Variants in KLF13 observed in about 807,000 individuals in gnomAD.
KLF13 encodes the protein Krueppel-like factor 13.
A neutral mutation model predicts 16.7 loss-of-function variants in KLF13; 8 were observed. The observed-to-expected ratio is 0.48, with a 90% CI of 0.28 to 0.87. The LOEUF is 0.87. Among genes scored for constraint, KLF13 ranks in the 40% least tolerant of loss-of-function variants. The probability of loss-of-function intolerance (pLI) is 0.10; values close to 1 mark genes in which losing one functional copy is unlikely to be tolerated. For missense variants in KLF13, 447 were observed against 452.2 expected (o/e 0.99, Z 0.10); for synonymous variants, 245 against 208.4 (o/e 1.18, Z -1.51).
downstream of KLF13, among the ~76,000 whole-genome samples, chr15:31,409,620 C>A (rs1330274448): frequency 6.6e-6 from 1 of 151,844 alleles, no homozygotes; most frequent in Admixed American, 6.6e-5. Context: ...AAGAAAAGAC[C>A]CTGAAGACAG....
intron 1 of KLF13, among the ~76,000 whole-genome samples, chr15:31,347,164 C>A (rs1006585668): frequency 3.9e-5 from 6 of 152,200 alleles, no homozygotes; most frequent in Non-Finnish European, 8.8e-5. Flanking sequence ...AGGCGTTCCC[C>A]CCTCCATTGC....
At chr15:31,368,820 TTAGATAGATAGATAGA>T (rs373136224) in intron 1 of KLF13, among the ~76,000 whole-genome samples, 5 of 151,834 alleles carry the variant, frequency 3.3e-5, no homozygotes, top group African/African-American at 9.7e-5. Flanking sequence ...CTATCTCAGA[TTAGATAGATAGATAGA>T]TAGATAGATA....
rs1566826210 is a variant in KLF13 at position 31,377,214 on chromosome 15, C to A, written c.*4915C>A. The A allele has an allele frequency of 6.5e-6, 1 of 152,692 alleles. No homozygotes were observed. The highest frequency in any genetic ancestry group is 2.4e-5 in the African/African-American group (1 of 41,450). The allele number at this position is 152,692 out of a possible 1,614,324, so 9.5% of individuals were successfully genotyped here. A position where few individuals can be genotyped will look rare whatever the true frequency, so the allele number is the denominator to read the frequency against. On this transcript the variant is annotated 3_prime_UTR_variant, in exon 2 of 2. Transcript: ENST00000307145. Reference sequence around the variant, plus strand: ...AGGCCACCTCCCATGTGGCTCTAGACACCACGTGGGCTCATTAGCCCCAGC... The same window carrying A: ...AGGCCACCTCCCATGTGGCTCTAGAAACCACGTGGGCTCATTAGCCCCAGC...
At chr15:31,333,724 T>C (rs1197426685) in intron 1 of KLF13, among the ~76,000 whole-genome samples, 1 of 152,212 alleles carries the variant, frequency 6.6e-6, no homozygotes, top group Admixed American at 6.5e-5. Flanking sequence ...ATCCAGTTAA[T>C]CACACATTGC....
At chr15:31,381,439 C>T (rs1484254928), downstream of KLF13, among the ~76,000 whole-genome samples, 1 of 152,140 alleles carries the variant, frequency 6.6e-6, no homozygotes, top group Non-Finnish European at 1.5e-5. Context: ...AGCGTCTCCT[C>T]TCTGACCTCC....
Position 31,327,486 on chromosome 15 carries a change from G to C in KLF13, c.274G>C (p.Ala92Pro). 4 of 1,196,138 alleles carry C rather than the reference G, an allele frequency of 3.3e-6. No individual in the cohort carries two copies. Among genetic ancestry groups the C allele is most frequent in the Non-Finnish European group, 3.1e-6 (3 of 965,448 alleles). 74.1% of individuals were successfully genotyped at this position (1,196,138 alleles called of 1,614,324 possible). A position where few individuals can be genotyped will look rare whatever the true frequency, so the allele number is the denominator to read the frequency against. The change falls in exon 1 of 2, where the codon GCG becomes CCG. Residue 92 changes from alanine (A) to proline (P), a missense_variant. By Grantham distance (27) the Ala-to-Pro change is conservative. Around this residue, in one of 2 missense-constraint regions of KLF13, gnomAD observed 359 missense variants for 282.8 expected, o/e 1.27. Transcript: ENST00000307145. ...ERREGAAARK[A>P]RTPCRLPPPA... ...CAGGGAGGGCGCCGCGGCCCGGAAG[G>C]CGAGGACCCCCTGCCGCCTGCCGCC...
At chr15:31,362,253 G>T (rs995879708) in intron 1 of KLF13, among the ~76,000 whole-genome samples, 1 of 152,170 alleles carries the variant, frequency 6.6e-6, no homozygotes, top group Non-Finnish European at 1.5e-5. Context: ...CTAAACTGCT[G>T]GGCCTATCAA....
intron 1 of KLF13, among the ~76,000 whole-genome samples, chr15:31,332,476 A>T (rs1372726415): frequency 2.0e-5 from 3 of 152,176 alleles, no homozygotes; most frequent in African/African-American, 7.2e-5. Context: ...GAGCAGTAGG[A>T]TGGGGGCTGG....
At chr15:31,368,732 A>G (rs2039513201) in intron 1 of KLF13, among the ~76,000 whole-genome samples, 1 of 152,138 alleles carries the variant, frequency 6.6e-6, no homozygotes, top group Non-Finnish European at 1.5e-5. Flanking sequence ...GGCGCCTGTA[A>G]TCCCAGCTAG....
At chr15:31,425,458 C>T (rs1374138608) in intron 1 of KLF13, among the ~76,000 whole-genome samples, 3 of 152,134 alleles carry the variant, frequency 2.0e-5, no homozygotes, top group African/African-American at 7.2e-5. Flanking sequence ...AGAGAGATCC[C>T]AGAAATAAAT....
chr15:31,331,949 T>C (rs1441444404), intron 1 of KLF13, among the ~76,000 whole-genome samples: 2 of 152,250 alleles, frequency 1.3e-5, no homozygotes, highest in Non-Finnish European at 2.9e-5. Flanking sequence ...AAATGAGGCA[T>C]CTTCATTCTT....
At chr15:31,329,465 T>C (rs1475070413) in intron 1 of KLF13, among the ~76,000 whole-genome samples, 4 of 150,864 alleles carry the variant, frequency 2.7e-5, no homozygotes, top group Non-Finnish European at 5.9e-5. Flanking sequence ...GCAGCACCGG[T>C]AGCGGGGAAT....
chr15:31,396,780 T>A (rs948928946), intron 2 of KLF13, among the ~76,000 whole-genome samples: 2 of 152,192 alleles, frequency 1.3e-5, no homozygotes, highest in African/African-American at 4.8e-5. Context: ...AATTTCTAAT[T>A]TTTTGGCTAA....
intron 1 of KLF13, among the ~76,000 whole-genome samples, chr15:31,352,900 T>G (rs1177664411): frequency 6.6e-6 from 1 of 152,114 alleles, no homozygotes; most frequent in Non-Finnish European, 1.5e-5. Flanking sequence ...TTGGAGTTTT[T>G]GTGGGGAGGG....
downstream of KLF13, among the ~76,000 whole-genome samples, chr15:31,381,368 TAG>T (rs771053706): frequency 2.6e-5 from 4 of 152,196 alleles, no homozygotes; most frequent in Admixed American, 6.5e-5. Context: ...TCCCAGCTTG[TAG>T]AGGCCACCTA....
At chr15:31,329,395 C>T (rs969467101) in intron 1 of KLF13, among the ~76,000 whole-genome samples, 3 of 151,692 alleles carry the variant, frequency 2.0e-5, no homozygotes, top group African/African-American at 4.8e-5. Context: ...CCGTGCTGGG[C>T]AGGATACTTA....
chr15:31,338,035 G>A lies in KLF13; in HGVS notation c.577+10246G>A, dbSNP rs368401747. 9.8e-5 allele frequency among the ~76,000 whole-genome samples: 15 copies of A among 152,328 alleles called. No individual in the cohort carries two copies. The South Asian group carries it at 1.7e-3, about 17-fold the overall frequency. On this transcript the variant is annotated intron_variant, in intron 1 of 1. Coordinates refer to ENST00000307145, the MANE Select transcript of KLF13 (RefSeq NM_015995.4). ...GGTGGTTTTCCTGAATTACTGTCAG[G>A]CTTTAGAGTCTTACAGGAAATACAG... is the stretch of plus-strand genomic sequence containing the variant.
chr15:31,411,727 G>T (rs2040196463), intron 1 of KLF13, among the ~76,000 whole-genome samples: 1 of 151,888 alleles, frequency 6.6e-6, no homozygotes, highest in Admixed American at 6.6e-5. Flanking sequence ...TTTTAAAAAA[G>T]AAAACCATAT....
intron 1 of KLF13, among the ~76,000 whole-genome samples, chr15:31,344,893 G>A (rs2039087130): frequency 6.6e-6 from 1 of 152,162 alleles, no homozygotes; most frequent in Admixed American, 6.5e-5. Context: ...GGGAGGGAGG[G>A]GCCGCAAGTA....
Sources: gnomAD v4.1 joint callset for allele counts (sites outside exome capture counted in the v4.1 genomes callset) on GRCh38, gnomAD v4.1.1 for gene constraint, gnomAD v4.1.1 regional missense constraint, MANE v1.5 for transcripts, NCBI Gene and HGNC (gene_info 2026-07-23, HGNC 2026-07-21) for gene names.